The following VSX2 variants were observed in gnomAD, a reference collection of about 807,000 sequenced individuals.
VSX2 encodes the protein ceh-10 homeo domain containing homolog.
In VSX2, 28 loss-of-function variants were observed where a neutral mutation model predicts 32.1. The ratio of observed to expected loss-of-function variants is 0.87; its 90% CI spans 0.65 to 1.20. The LOEUF is 1.20. Ranked by LOEUF, VSX2 falls within the 50% of genes most tolerant of loss-of-function variation. The pLI is 0.00. For synonymous variants in VSX2, 243 were observed against 214.1 expected (o/e 1.14, Z -1.18); for missense variants, 506 against 488.7 (o/e 1.04, Z -0.33).
rs866412605 is a variant in VSX2, at chr14:74,244,989, A to T, written c.456-176A>T. On this transcript the variant is annotated intron_variant, in intron 2 of 4. Coordinates refer to ENST00000261980, the MANE Select transcript of VSX2 (RefSeq NM_182894.3). ...GTGTGTGTGTGTGTGTGTGAGAGAGAGAGAGAGAGAGAGAGAGACAGAGAG... is the reference window on the plus strand; with the variant it reads ...GTGTGTGTGTGTGTGTGTGAGAGAGTGAGAGAGAGAGAGAGAGACAGAGAG... Among the ~76,000 whole-genome samples, 78 of 132,026 alleles carry T rather than the reference A, an allele frequency of 5.9e-4. 1 individual carries two copies. Among genetic ancestry groups the T allele is most frequent in the African/African-American group, 1.4e-3 (49 of 34,934 alleles). 86.6% of individuals were successfully genotyped at this position (132,026 alleles called of 152,430 possible). A position where few individuals can be genotyped will look rare whatever the true frequency, so the allele number is the denominator to read the frequency against.
Position 74,239,514 on chromosome 14 carries a change from G to C in VSX2, c.-48G>C, listed in dbSNP as rs543441501. 3.2e-6 allele frequency: 5 copies of C among 1,547,928 alleles called. No individual in the cohort carries two copies. The South Asian group carries it at 3.6e-5, about 11-fold the overall frequency. ...GAAGCGGGAAGCCCGGCGGGGGGGT[G>C]GGGGGAGCTAAAGACCTGCGGCCTC... On this transcript the variant is annotated 5_prime_UTR_variant, in exon 1 of 5. Transcript: ENST00000261980.
At position 74,262,205 on chromosome 14, in the gene VSX2, C is replaced by G. The variant is rs1018645597; in HGVS notation, c.*1286C>G. ...GCCAGTGCATGCCAGGAAGCACGTT[C>G]ACTAGACTAAAACACGGTAACCATG... On this transcript the variant is annotated 3_prime_UTR_variant, in exon 5 of 5. Transcript: ENST00000261980. 2.0e-5 allele frequency: 3 copies of G among 152,354 alleles called. No homozygotes were observed. The highest frequency in any genetic ancestry group is 7.2e-5 in the African/African-American group (3 of 41,474). The allele number at this position is 152,354 out of a possible 1,614,324, so 9.4% of individuals were successfully genotyped here. A position where few individuals can be genotyped will look rare whatever the true frequency, so the allele number is the denominator to read the frequency against.
chr14:74,248,515 C>G (rs1002032489), intron 3 of VSX2, among the ~76,000 whole-genome samples: 1 of 151,642 alleles, frequency 6.6e-6, no homozygotes, highest in African/African-American at 2.4e-5. Context: ...AGTGAAATCC[C>G]CATCTCTACA....
At chr14:74,254,553 C>T (rs1204963467) in intron 3 of VSX2, among the ~76,000 whole-genome samples, 3 of 152,160 alleles carry the variant, frequency 2.0e-5, no homozygotes, top group Non-Finnish European at 4.4e-5. Context: ...TCTTTCTTCC[C>T]CTCCTCCTGG....
chr14:74,245,892 G>C (rs2079189212), intron 3 of VSX2, among the ~76,000 whole-genome samples: 1 of 152,186 alleles, frequency 6.6e-6, no homozygotes, highest in South Asian at 2.1e-4. Flanking sequence ...ATGTGAGCTG[G>C]GGCATGGCCC....
Position 74,239,638 on chromosome 14 carries a change from C to A in VSX2, c.77C>A (p.Pro26Gln), listed in dbSNP as rs959675350. The change falls in exon 1 of 5, where the codon CCG (proline) becomes CAG (glutamine). Residue 26 changes from proline to glutamine, a missense_variant. By Grantham distance (76) the Pro-to-Gln change is moderately conservative. Coordinates refer to ENST00000261980, the MANE Select transcript of VSX2 (RefSeq NM_182894.3). ...TVAKSTSGGA[P>Q]ARCTGFGIQE... ...GCCAAGAGTACCTCGGGGGGCGCCC[C>A]GGCCAGGTGCACTGGGTTCGGCATC... 6.4e-6 allele frequency: 10 copies of A among 1,550,828 alleles called. No homozygotes were observed. Among genetic ancestry groups the A allele is most frequent in the African/African-American group, 4.1e-5 (3 of 73,030 alleles).
chr14:74,248,355 AAAAAAC>A (rs2079207427), intron 3 of VSX2, among the ~76,000 whole-genome samples: 1 of 143,860 alleles, frequency 7.0e-6, no homozygotes, highest in African/African-American at 2.5e-5. Context: ...AAAAAAACAA[AAAAAAC>A]CAAAAACGAG....
chr14:74,255,421 C>A (rs1397267230), intron 3 of VSX2, among the ~76,000 whole-genome samples: 1 of 152,192 alleles, frequency 6.6e-6, no homozygotes, highest in Non-Finnish European at 1.5e-5. Flanking sequence ...CTGGTCTTCA[C>A]AGAGAGCCAG....
At chr14:74,257,213 G>A (rs907573049) in intron 3 of VSX2, among the ~76,000 whole-genome samples, 1 of 152,234 alleles carries the variant, frequency 6.6e-6, no homozygotes, top group African/African-American at 2.4e-5. Context: ...AGTTAGCACG[G>A]CTGGCATTGC....
In VSX2 at chr14:74,239,461, C is replaced by T; in HGVS notation, c.-101C>T. 3.3e-6 allele frequency: 5 copies of T among 1,501,966 alleles called. No individual in the cohort carries two copies. Among genetic ancestry groups the T allele is most frequent in the Non-Finnish European group, 3.6e-6 (4 of 1,106,252 alleles). The allele number at this position is 1,501,966 out of a possible 1,614,324, so 93.0% of individuals were successfully genotyped here. On this transcript the variant is annotated 5_prime_UTR_variant, in exon 1 of 5. Coordinates refer to ENST00000261980, the MANE Select transcript of VSX2 (RefSeq NM_182894.3). Reference sequence around the variant, plus strand: ...CCTTGGGCTCCAGAGCATTAGACACCGGAGGGGGCACCTGGGACCAACTTC... The same window carrying T: ...CCTTGGGCTCCAGAGCATTAGACACTGGAGGGGGCACCTGGGACCAACTTC...
intron 1 of VSX2, among the ~76,000 whole-genome samples, chr14:74,240,846 G>C (rs1436507705): frequency 6.6e-6 from 1 of 152,292 alleles, no homozygotes; most frequent in Non-Finnish European, 1.5e-5. Flanking sequence ...GGCTGGCCGC[G>C]CAGGGCAGGG....
At position 74,262,505 on chromosome 14, in the gene VSX2, T is replaced by C. The variant is rs2079315304; in HGVS notation, c.*1586T>C. The C allele has an allele frequency of 6.6e-6, 1 of 152,268 alleles. No homozygotes were observed. The highest frequency in any genetic ancestry group is 2.4e-5 in the African/African-American group (1 of 41,464). 9.4% of individuals were successfully genotyped at this position (152,268 alleles called of 1,614,324 possible). The stretch of plus-strand genomic sequence containing the variant: ...AAAAGTTGATTTCTTCTTCATTCCA[T>C]TTATGGAACTTCCCTCCCCCTAGTC... On this transcript the variant is annotated 3_prime_UTR_variant, in exon 5 of 5. Transcript: ENST00000261980.
chr14:74,257,145 G>A (rs114199541), intron 3 of VSX2, among the ~76,000 whole-genome samples: 2,016 of 152,260 alleles, frequency 0.013, 59 homozygotes, highest in African/African-American at 0.047. Flanking sequence ...TGCAGCACAG[G>A]CCCGCGGCGC....
At chr14:74,246,504 G>A (rs554946723) in intron 3 of VSX2, among the ~76,000 whole-genome samples, 1 of 152,352 alleles carries the variant, frequency 6.6e-6, no homozygotes, top group East Asian at 1.9e-4. Context: ...TTATTCATAA[G>A]CAGATTATGT....
chr14:74,258,060 G>A (rs1440083555), intron 3 of VSX2, among the ~76,000 whole-genome samples: 2 of 151,992 alleles, frequency 1.3e-5, no homozygotes, highest in African/African-American at 4.8e-5. Flanking sequence ...GCTGCCGGGG[G>A]GAAGGGGGAA....
Position 74,239,773 on chromosome 14 carries a change from C to T in VSX2, c.212C>T (p.Ala71Val), listed in dbSNP as rs1042589251. Residue 71 changes from alanine to valine, a missense_variant, in exon 1 of 5, where the codon GCG (alanine) becomes GTG (valine). Coordinates refer to ENST00000261980, the MANE Select transcript of VSX2 (RefSeq NM_182894.3). ...GCGGCGCGCTCAGTGCTCAGCCCCG[C>T]GGGGGTGGGCGGCATGGGGCTTCTG... ...LLAARSVLSP[A>V]GVGGMGLLGP... The T allele has an allele frequency of 2.6e-6, 4 of 1,555,928 alleles. No individual in the cohort carries two copies. Among genetic ancestry groups the T allele is most frequent in the African/African-American group, 1.4e-5 (1 of 73,692 alleles).
At chr14:74,252,208 G>A (rs1249927884) in intron 3 of VSX2, among the ~76,000 whole-genome samples, 1 of 152,176 alleles carries the variant, frequency 6.6e-6, no homozygotes, top group Non-Finnish European at 1.5e-5. Flanking sequence ...TGCCCACGTC[G>A]AGAAAGAGCT....
intron 3 of VSX2, among the ~76,000 whole-genome samples, chr14:74,247,295 C>A (rs1240401104): frequency 6.6e-6 from 1 of 152,176 alleles, no homozygotes; most frequent in South Asian, 2.1e-4. Flanking sequence ...ACGATGTACA[C>A]AGGACAGGCA....
intron 3 of VSX2, 41 bp from the exon 4 acceptor site, chr14:74,259,561 C>T (rs1318819258): frequency 1.2e-6 from 2 of 1,613,214 alleles, no homozygotes; most frequent in Admixed American, 1.7e-5. Flanking sequence ...GGGCCCAGCA[C>T]CTCTCAGAGC....
Sources: gnomAD v4.1 joint callset for allele counts (sites outside exome capture counted in the v4.1 genomes callset) on GRCh38, gnomAD v4.1.1 for gene constraint, MANE v1.5 for transcripts, NCBI Gene and HGNC (gene_info 2026-07-23, HGNC 2026-07-21) for gene names.